Variants in CYRIA observed in about 807,000 individuals in gnomAD.
CYRIA encodes the protein CYFIP-related Rac1 interactor A.
Under a neutral mutation model 43.9 loss-of-function variants are expected in CYRIA, and 15 were observed. The observed-to-expected ratio is 0.34, with a 90% confidence interval of 0.23 to 0.53. The LOEUF (loss-of-function observed/expected upper bound fraction) is 0.53, where lower values mean the gene tolerates loss of function less well. Among genes scored for constraint, CYRIA ranks in the 20% least tolerant of loss-of-function variants. The pLI is 0.94. For synonymous variants in CYRIA, 117 were observed against 136.0 expected (o/e 0.86, Z 0.97); for missense variants, 236 against 394.2 (o/e 0.60, Z 3.40).
chr2:16,648,167 C>G (rs1213938065), intron 1 of CYRIA, among the ~76,000 whole-genome samples: 2 of 152,158 alleles, frequency 1.3e-5, no homozygotes, highest in Non-Finnish European at 2.9e-5. Context: ...GTGGTTTTAT[C>G]TATCTCAGAG....
intron 3 of CYRIA, among the ~76,000 whole-genome samples, chr2:16,573,852 TC>T (rs1283003248): frequency 1.3e-5 from 2 of 152,198 alleles, no homozygotes; most frequent in South Asian, 2.1e-4. Flanking sequence ...TTGCCCAGTC[TC>T]AGGTATGCCT....
intron 3 of CYRIA, among the ~76,000 whole-genome samples, chr2:16,578,571 T>C (rs1667434385): frequency 6.6e-6 from 1 of 152,186 alleles, no homozygotes; most frequent in South Asian, 2.1e-4. Flanking sequence ...GCAAAAGTAA[T>C]TGCTGTTTTT....
chr2:16,605,449 A>G (rs1286946440), intron 2 of CYRIA, among the ~76,000 whole-genome samples: 1 of 152,224 alleles, frequency 6.6e-6, no homozygotes, highest in African/African-American at 2.4e-5. Context: ...TGGGAAATCA[A>G]GAACATGCTT....
At chr2:16,620,713 A>T (rs940520954) in intron 2 of CYRIA, among the ~76,000 whole-genome samples, 3 of 151,790 alleles carry the variant, frequency 2.0e-5, no homozygotes, top group Non-Finnish European at 2.9e-5. Context: ...TCATACCCTC[A>T]CCTCCCTCTC....
intron 3 of CYRIA, among the ~76,000 whole-genome samples, chr2:16,585,455 G>A (rs183053566): frequency 6.6e-6 from 1 of 152,190 alleles, no homozygotes; most frequent in African/African-American, 2.4e-5. Context: ...CAAAATTTCA[G>A]TGGAATAAAG....
intron 1 of CYRIA, among the ~76,000 whole-genome samples, chr2:16,644,597 T>C (rs1287454590): frequency 6.6e-6 from 1 of 152,176 alleles, no homozygotes; most frequent in African/African-American, 2.4e-5. Context: ...TTCCTAGATG[T>C]TTGCAAAGAC....
At chr2:16,619,641 C>T (rs566464371) in intron 2 of CYRIA, among the ~76,000 whole-genome samples, 1 of 152,318 alleles carries the variant, frequency 6.6e-6, no homozygotes, top group African/African-American at 2.4e-5. Context: ...TGCTCACTAA[C>T]ACCTCCATAG....
In CYRIA at chr2:16,652,450, C is replaced by A. The variant is rs73215506; in HGVS notation, c.-167+13330G>T. 6.2e-3 allele frequency among the ~76,000 whole-genome samples: 938 copies of A among 152,316 alleles called. 11 individuals carry two copies. Among genetic ancestry groups the A allele is most frequent in the African/African-American group, 0.022 (896 of 41,578 alleles). On this transcript the variant is annotated intron_variant, in intron 1 of 11. Coordinates refer to ENST00000381323, the MANE Select transcript of CYRIA (RefSeq NM_030797.4). ...CCATCCTCTCTCCCCTTGCCGTATACCCTATTATATTTGCTAGGATTTTTC... is the reference window on the plus strand; with the variant it reads ...CCATCCTCTCTCCCCTTGCCGTATAACCTATTATATTTGCTAGGATTTTTC...
intron 1 of CYRIA, among the ~76,000 whole-genome samples, chr2:16,628,376 C>A (rs1287978829): frequency 6.6e-6 from 1 of 152,170 alleles, no homozygotes; most frequent in African/African-American, 2.4e-5. Context: ...GACTGTGAGG[C>A]CCCTGATCTC....
At chr2:16,608,822 G>A (rs2103487395) in intron 2 of CYRIA, among the ~76,000 whole-genome samples, 1 of 152,312 alleles carries the variant, frequency 6.6e-6, no homozygotes. Context: ...ATCCTGCACT[G>A]TTGCTTTGGA....
At chr2:16,583,761 G>C (rs1422180443) in intron 3 of CYRIA, among the ~76,000 whole-genome samples, 2 of 152,144 alleles carry the variant, frequency 1.3e-5, no homozygotes, top group Non-Finnish European at 2.9e-5. Flanking sequence ...GGAGACATGG[G>C]AAGGAAGTAG....
intron 3 of CYRIA, among the ~76,000 whole-genome samples, chr2:16,575,380 G>T (rs1466614412): frequency 6.6e-6 from 1 of 152,138 alleles, no homozygotes; most frequent in Non-Finnish European, 1.5e-5. Flanking sequence ...GAGGACATGA[G>T]ATTTGGGAAG....
At chr2:16,601,456 A>C (rs949238596) in intron 2 of CYRIA, among the ~76,000 whole-genome samples, 10 of 152,176 alleles carry the variant, frequency 6.6e-5, no homozygotes, top group African/African-American at 2.2e-4. Context: ...TTTCCCCCAA[A>C]TAGTCTAGAA....
chr2:16,554,999 A>G (rs1379462865), intron 11 of CYRIA, 70 bp downstream of exon 11: 5 of 1,204,492 alleles, frequency 4.2e-6, no homozygotes, highest in South Asian at 3.8e-5. Flanking sequence ...TATCCACAAC[A>G]GTATTTAAAT....
intron 2 of CYRIA, among the ~76,000 whole-genome samples, chr2:16,601,080 T>C (rs777870465): frequency 1.9e-4 from 29 of 152,142 alleles, no homozygotes; most frequent in Non-Finnish European, 3.2e-4. Flanking sequence ...TCATTTTTTC[T>C]GGGGAGACAG....
chr2:16,636,777 T>A (rs1669509087), intron 1 of CYRIA, among the ~76,000 whole-genome samples: 1 of 144,064 alleles, frequency 6.9e-6, no homozygotes, highest in Non-Finnish European at 1.5e-5. Flanking sequence ...AGATCCTATC[T>A]CTCCCCCAAC....
intron 3 of CYRIA, among the ~76,000 whole-genome samples, chr2:16,568,795 C>T (rs1373262182): frequency 6.6e-6 from 1 of 152,170 alleles, no homozygotes; most frequent in Non-Finnish European, 1.5e-5. Context: ...AAGAAGAAGG[C>T]ACTCTGAGGC....
chr2:16,598,682 C>G (rs1438742980), intron 2 of CYRIA, among the ~76,000 whole-genome samples: 1 of 93,414 alleles, frequency 1.1e-5, no homozygotes, highest in Non-Finnish European at 1.9e-5. Context: ...TTTGAATGTC[C>G]TCCCGTAGCT....
chr2:16,556,334 C>A (rs1402893518), intron 10 of CYRIA, among the ~76,000 whole-genome samples: 1 of 152,102 alleles, frequency 6.6e-6, no homozygotes, highest in Non-Finnish European at 1.5e-5. Context: ...GGAGAAGCTA[C>A]AAGCATGCCA....
Sources: allele counts gnomAD v4.1 joint callset (sites outside exome capture counted in the v4.1 genomes callset), GRCh38; gene constraint gnomAD v4.1.1; transcripts MANE v1.5; gene names NCBI Gene and HGNC (gene_info 2026-07-23, HGNC 2026-07-21).